Variants in ROBO1 observed in about 807,000 individuals in gnomAD.
ROBO1 encodes the protein roundabout guidance receptor 1.
In ROBO1, 149 loss-of-function variants were observed where a neutral mutation model predicts 195.9. The ratio of observed to expected loss-of-function variants is 0.76; its 90% CI spans 0.67 to 0.87. The LOEUF (loss-of-function observed/expected upper bound fraction) is 0.87, where lower values mean the gene tolerates loss of function less well. ROBO1 is among the 40% of genes least tolerant of loss of function. ROBO1 has a pLI of 0.00. For synonymous variants in ROBO1, 816 were observed against 733.2 expected, an observed-to-expected ratio of 1.11 and a Z score of -1.82; for missense variants, 1,933 against 2,068.3, an observed-to-expected ratio of 0.93 and a Z score of 1.27.
chr3:79,440,809 A>G (rs923229870), intron 2 of ROBO1, among the ~76,000 whole-genome samples: 1 of 152,128 alleles, frequency 6.6e-6, no homozygotes, highest in Non-Finnish European at 1.5e-5. Flanking sequence ...AGAGAAGCAT[A>G]AAGTCCTTAA....
chr3:79,148,901 G>A (rs1359867586), intron 2 of ROBO1, among the ~76,000 whole-genome samples: 1 of 151,820 alleles, frequency 6.6e-6, no homozygotes, highest in Non-Finnish European at 1.5e-5. Flanking sequence ...TAGAATGCAG[G>A]TGCTCAGAAC....
intron 4 of ROBO1, among the ~76,000 whole-genome samples, chr3:78,921,316 G>A (rs1379333507): frequency 1.3e-5 from 2 of 152,108 alleles, no homozygotes; most frequent in African/African-American, 4.8e-5. Flanking sequence ...GGTCTGTTCA[G>A]AATTTCAGTG....
At chr3:78,964,938 G>T (rs2076605181) in intron 3 of ROBO1, among the ~76,000 whole-genome samples, 1 of 151,386 alleles carries the variant, frequency 6.6e-6, no homozygotes. Context: ...CCCGTGCTGG[G>T]ATTACAGGCA....
At chr3:78,677,145 G>A (rs1208612494) in intron 10 of ROBO1, among the ~76,000 whole-genome samples, 1 of 152,068 alleles carries the variant, frequency 6.6e-6, no homozygotes, top group Non-Finnish European at 1.5e-5. Flanking sequence ...TCACCACCAG[G>A]CCTGCCCTAA....
intron 1 of ROBO1, among the ~76,000 whole-genome samples, chr3:79,653,166 A>C (rs1051585877): frequency 6.6e-6 from 1 of 151,876 alleles, no homozygotes; most frequent in African/African-American, 2.4e-5. Context: ...ATATAAAATT[A>C]TTATAAATGT....
At chr3:79,123,065 ATGACT>A (rs2108566155) in intron 3 of ROBO1, among the ~76,000 whole-genome samples, 1 of 152,162 alleles carries the variant, frequency 6.6e-6, no homozygotes, top group South Asian at 2.1e-4. Flanking sequence ...ACTCATATCA[ATGACT>A]TACGTGAAAA....
chr3:79,268,626 T>C (rs1378059362), intron 2 of ROBO1, among the ~76,000 whole-genome samples: 1 of 151,652 alleles, frequency 6.6e-6, no homozygotes, highest in Non-Finnish European at 1.5e-5. Flanking sequence ...CACTGCAATA[T>C]ATCCTGGTAA....
rs375183152 is a variant in ROBO1, at chr3:78,685,759, C to T, written c.1329G>A (p.Leu443=). ...VAGSIITKAY[L]EVTDVIADRP... ...TTTACACTTTACCATCTGTAACTTCCAAATATGCCTTTGTGATGATGCTTC... is the reference window on the plus strand; with the variant it reads ...TTTACACTTTACCATCTGTAACTTCTAAATATGCCTTTGTGATGATGCTTC... The change falls in exon 10 of 31, where the codon TTG becomes TTA. Residue 443 remains leucine, a synonymous_variant. Coordinates refer to ENST00000464233, the MANE Select transcript of ROBO1 (RefSeq NM_002941.4). 1.2e-6 allele frequency: 2 copies of T among 1,602,134 alleles called. No homozygotes were observed. Among genetic ancestry groups the T allele is most frequent in the African/African-American group, 2.7e-5 (2 of 74,654 alleles).
chr3:79,689,258 A>C (rs538257702), intron 1 of ROBO1, among the ~76,000 whole-genome samples: 3 of 152,148 alleles, frequency 2.0e-5, no homozygotes, highest in African/African-American at 4.8e-5. Context: ...ATGTTCCTGA[A>C]AACTTGATTT....
intron 2 of ROBO1, among the ~76,000 whole-genome samples, chr3:79,223,771 A>G (rs1021431099): frequency 2.6e-4 from 39 of 152,194 alleles, no homozygotes; most frequent in African/African-American, 8.9e-4. Context: ...TAGGTAATCA[A>G]GCATCACTCT....
At chr3:78,819,568 C>G (rs993449419) in intron 4 of ROBO1, among the ~76,000 whole-genome samples, 4 of 151,322 alleles carry the variant, frequency 2.6e-5, no homozygotes, top group African/African-American at 9.7e-5. Context: ...TCTGATAAAT[C>G]AAGTTTCATG....
At chr3:79,216,165 CA>C (rs2082052578) in intron 2 of ROBO1, among the ~76,000 whole-genome samples, 1 of 151,864 alleles carries the variant, frequency 6.6e-6, no homozygotes, top group African/African-American at 2.4e-5. Context: ...ATATTTTCAT[CA>C]AATAATTTTT....
At chr3:79,296,676 A>G (rs932666524) in intron 2 of ROBO1, among the ~76,000 whole-genome samples, 1 of 152,200 alleles carries the variant, frequency 6.6e-6, no homozygotes, top group African/African-American at 2.4e-5. Context: ...AAATTTCAAC[A>G]TGGAATTTCA....
intron 4 of ROBO1, among the ~76,000 whole-genome samples, chr3:78,891,636 A>G (rs1052547960): frequency 1.3e-5 from 2 of 152,248 alleles, no homozygotes; most frequent in African/African-American, 4.8e-5. Flanking sequence ...AAATGCTTGT[A>G]TGATAATGTG....
At chr3:78,900,430 A>T (rs1017996453) in intron 4 of ROBO1, among the ~76,000 whole-genome samples, 5 of 152,296 alleles carry the variant, frequency 3.3e-5, no homozygotes, top group Non-Finnish European at 7.4e-5. Flanking sequence ...AGACCTAAGA[A>T]TATAATCTTT....
chr3:79,699,051 GA>G (rs1947531455), intron 1 of ROBO1, among the ~76,000 whole-genome samples: 1 of 149,106 alleles, frequency 6.7e-6, no homozygotes. Flanking sequence ...ATCATTAAAG[GA>G]CGTTTATAAC....
chr3:78,773,967 T>C (rs1379668177), intron 4 of ROBO1, among the ~76,000 whole-genome samples: 2 of 152,250 alleles, frequency 1.3e-5, no homozygotes, highest in African/African-American at 2.4e-5. Context: ...AGGAGCTTAA[T>C]AGATACTTTT....
At chr3:78,945,516 T>G (rs1220073613) in intron 3 of ROBO1, among the ~76,000 whole-genome samples, 1 of 152,134 alleles carries the variant, frequency 6.6e-6, no homozygotes, top group South Asian at 2.1e-4. Context: ...AAAACCCATC[T>G]GTACCTCACC....
At chr3:79,104,242 A>C (rs778579085) in intron 3 of ROBO1, among the ~76,000 whole-genome samples, 1 of 151,840 alleles carries the variant, frequency 6.6e-6, no homozygotes, top group Non-Finnish European at 1.5e-5. Context: ...TCGTGTTACT[A>C]CACAGATTAT....
Sources: allele counts gnomAD v4.1 joint callset (sites outside exome capture counted in the v4.1 genomes callset), GRCh38; gene constraint gnomAD v4.1.1; transcripts MANE v1.5; gene names NCBI Gene and HGNC (gene_info 2026-07-23, HGNC 2026-07-21).